Variants in PSME4 observed in about 807,000 individuals in gnomAD.
PSME4 encodes proteasome activator subunit 4, also known as proteasome activator complex subunit 4.
A neutral mutation model predicts 253.9 loss-of-function variants in PSME4; 89 were observed. The ratio of observed to expected loss-of-function variants is 0.35; its 90% CI spans 0.30 to 0.42. The LOEUF (loss-of-function observed/expected upper bound fraction) is 0.42. Among genes scored for constraint, PSME4 ranks in the 10% least tolerant of loss-of-function variants. PSME4 has a pLI of 1.00. For missense variants in PSME4, 2,014 were observed against 2,195.2 expected (o/e 0.92, Z 1.65); for synonymous variants, 851 against 759.2 (o/e 1.12, Z -1.99).
intron 4 of PSME4, among the ~76,000 whole-genome samples, chr2:53,937,785 C>T (rs1669191784): frequency 6.6e-6 from 1 of 152,078 alleles, no homozygotes; most frequent in African/African-American, 2.4e-5. Flanking sequence ...ATCACTTGAG[C>T]CCAGGAGTTC....
At chr2:53,890,313 T>A in intron 36 of PSME4, 105 bp from the exon 37 acceptor site, 1 of 764,428 alleles carries the variant, frequency 1.3e-6, no homozygotes, top group Non-Finnish European at 2.2e-6. Context: ...GTATATCATT[T>A]AAATTATTTT....
chr2:53,939,072 C>A (rs938076276), intron 4 of PSME4, among the ~76,000 whole-genome samples: 26 of 152,140 alleles, frequency 1.7e-4, no homozygotes, highest in Non-Finnish European at 3.4e-4. Context: ...GTAACTGCCT[C>A]GCATAAAATG....
intron 1 of PSME4, among the ~76,000 whole-genome samples, chr2:53,966,755 C>G (rs1670757523): frequency 6.6e-6 from 1 of 152,014 alleles, no homozygotes; most frequent in Admixed American, 6.6e-5. Context: ...TTTGCCGAGG[C>G]TGGAGTGGCG....
intron 1 of PSME4, among the ~76,000 whole-genome samples, chr2:53,960,110 T>G (rs1670414684): frequency 6.6e-6 from 1 of 151,916 alleles, no homozygotes; most frequent in South Asian, 2.1e-4. Flanking sequence ...GAATTAAGAG[T>G]CATAGGAGGC....
chr2:53,890,890 A>T (rs1468143944), intron 36 of PSME4, among the ~76,000 whole-genome samples: 1 of 152,116 alleles, frequency 6.6e-6, no homozygotes, highest in African/African-American at 2.4e-5. Context: ...AGCTGAGCGT[A>T]GTGGCACATG....
chr2:53,912,154 G>T (rs936007165), intron 20 of PSME4, among the ~76,000 whole-genome samples: 1 of 152,032 alleles, frequency 6.6e-6, no homozygotes, highest in Non-Finnish European at 1.5e-5. Flanking sequence ...CTACTTACAC[G>T]CAGATTTTTT....
At chr2:53,926,744 G>A (rs559479840) in intron 12 of PSME4, among the ~76,000 whole-genome samples, 28 of 150,504 alleles carry the variant, frequency 1.9e-4, no homozygotes, top group Admixed American at 1.7e-3. Flanking sequence ...AGGTCAAGGC[G>A]GGCAGATTAC....
intron 1 of PSME4, among the ~76,000 whole-genome samples, chr2:53,960,737 G>GT (rs1670455378): frequency 6.6e-6 from 1 of 152,164 alleles, no homozygotes. Flanking sequence ...TAACTTAACG[G>GT]TTCTTCAGTG....
At chr2:53,908,647 T>C in intron 22 of PSME4, 82 bp from the exon 23 acceptor site, 1 of 1,496,492 alleles carries the variant, frequency 6.7e-7, no homozygotes, top group Non-Finnish European at 9.0e-7. Flanking sequence ...CAAGAATCTA[T>C]TAAGAAAAAA....
intron 5 of PSME4, 47 bp from the exon 6 acceptor site, chr2:53,936,874 G>T (rs1197288211): frequency 4.7e-6 from 6 of 1,288,560 alleles, no homozygotes; most frequent in Non-Finnish European, 6.6e-6. Flanking sequence ...TTTTAAAGTG[G>T]TTCAATGCCA....
chr2:53,928,432 T>C (rs1469920057), intron 10 of PSME4, 129 bp from the exon 11 acceptor site: 9 of 703,686 alleles, frequency 1.3e-5, no homozygotes, highest in Non-Finnish European at 1.6e-5. Context: ...ATACTCAGAG[T>C]GAAAATCTGC....
Position 53,919,249 on chromosome 2 carries a change from A to AC in PSME4, c.2421-4_2421-3insG. 1 of 1,563,690 alleles carries AC rather than the reference A, an allele frequency of 6.4e-7. No homozygotes were observed. Among genetic ancestry groups the AC allele is most frequent in the South Asian group, 1.2e-5 (1 of 81,968 alleles). ...TCAGACTCTGTAGAATATCATCTCT[A>AC]GAAAAAAAAAAAAGACATTTTCATA... On this transcript the variant is annotated splice_polypyrimidine_tract_variant and splice_region_variant and intron_variant, in intron 19 of 46. Coordinates refer to ENST00000404125, the MANE Select transcript of PSME4 (RefSeq NM_014614.3).
At chr2:53,946,422 C>T (rs1248791713) in intron 3 of PSME4, among the ~76,000 whole-genome samples, 1 of 152,178 alleles carries the variant, frequency 6.6e-6, no homozygotes, top group African/African-American at 2.4e-5. Flanking sequence ...CTGTCTATGG[C>T]CATACCACCC....
intron 28 of PSME4, 91 bp downstream of exon 28, chr2:53,901,259 T>C: frequency 1.7e-6 from 2 of 1,186,942 alleles, no homozygotes; most frequent in Non-Finnish European, 2.4e-6. Context: ...GCCAAGAATA[T>C]TATTACTGGA....
intron 4 of PSME4, among the ~76,000 whole-genome samples, chr2:53,937,904 G>A (rs1474654026): frequency 6.6e-6 from 1 of 151,480 alleles, no homozygotes; most frequent in African/African-American, 2.4e-5. Flanking sequence ...GGGGTTGGGG[G>A]ATCATTAGAG....
intron 1 of PSME4, among the ~76,000 whole-genome samples, chr2:53,957,975 C>T (rs539799134): frequency 6.6e-6 from 1 of 152,142 alleles, no homozygotes; most frequent in East Asian, 1.9e-4. Flanking sequence ...CACTTGAGGT[C>T]AGGAGTTCGA....
chr2:53,898,399 G>T, intron 29 of PSME4, 45 bp from the exon 30 acceptor site: 1 of 1,361,776 alleles, frequency 7.3e-7, no homozygotes, highest in South Asian at 1.4e-5. Flanking sequence ...ATACTAAAAT[G>T]AACATCAAAA....
rs1668845527 is a variant in PSME4 at position 53,931,835 on chromosome 2, C to T, written c.1316G>A (p.Arg439Lys). 9.9e-6 allele frequency: 16 copies of T among 1,613,622 alleles called. No individual in the cohort carries two copies. The highest frequency in any genetic ancestry group is 1.3e-5 in the Non-Finnish European group (15 of 1,179,784). Residue 439 changes from arginine (R) to lysine (K), a missense_variant and splice_region_variant, in exon 10 of 47, where the codon AGA (arginine) becomes AAA (lysine). Transcript: ENST00000404125. Reference protein sequence around the residue: ...PELVIPPVLERTYPALETLTE... With the variant: ...PELVIPPVLEKTYPALETLTE... ...GCTGAGACTCCCACTAACCACTTAC[C>T]TTTCAAGTACAGGGGGTATTACCAA...
intron 21 of PSME4, among the ~76,000 whole-genome samples, chr2:53,909,647 G>T (rs1667738173): frequency 6.6e-6 from 1 of 152,046 alleles, no homozygotes; most frequent in African/African-American, 2.4e-5. Flanking sequence ...AAGAGATTAG[G>T]AACATCATAA....
Sources: gnomAD v4.1 joint callset for allele counts (sites outside exome capture counted in the v4.1 genomes callset) on GRCh38, gnomAD v4.1.1 for gene constraint, MANE v1.5 for transcripts, NCBI Gene and HGNC (gene_info 2026-07-23, HGNC 2026-07-21) for gene names.